Variants in NRXN3 observed in about 807,000 individuals in gnomAD.
The protein encoded by NRXN3 is neurexin III.
In NRXN3, 32 loss-of-function variants were observed where a neutral mutation model predicts 137.6. The observed-to-expected ratio is 0.23, with a 90% CI of 0.18 to 0.31. NRXN3 has a LOEUF of 0.31. Among genes scored for constraint, NRXN3 ranks in the 10% least tolerant of loss-of-function variants. The pLI is 1.00. For synonymous variants in NRXN3, 798 were observed against 784.5 expected, an observed-to-expected ratio of 1.02 and a Z score of -0.29; for missense variants, 1,574 against 2,062.5, an observed-to-expected ratio of 0.76 and a Z score of 4.59.
chr14:79,458,098 C>CA (rs2096280370), intron 15 of NRXN3, among the ~76,000 whole-genome samples: 1 of 152,074 alleles, frequency 6.6e-6, no homozygotes, highest in South Asian at 2.1e-4. Flanking sequence ...TTAAAGATGT[C>CA]ACGTTGCTTT....
chr14:79,235,953 A>G (rs1298042749), intron 15 of NRXN3, among the ~76,000 whole-genome samples: 1 of 152,154 alleles, frequency 6.6e-6, no homozygotes, highest in African/African-American at 2.4e-5. Flanking sequence ...GAGAATTAAC[A>G]TATCTAATTA....
intron 6 of NRXN3, among the ~76,000 whole-genome samples, chr14:78,680,893 C>T (rs543530147): frequency 3.9e-5 from 6 of 152,260 alleles, no homozygotes; most frequent in Non-Finnish European, 8.8e-5. Context: ...TTTCAGTGGG[C>T]TATGGATTGG....
intron 15 of NRXN3, among the ~76,000 whole-genome samples, chr14:79,433,585 G>A (rs77473492): frequency 1.3e-5 from 2 of 149,414 alleles, no homozygotes; most frequent in South Asian, 4.6e-4. Context: ...AGATGAAAAA[G>A]AAAAAAACTC....
chr14:78,896,626 A>T (rs752859445), intron 10 of NRXN3, among the ~76,000 whole-genome samples: 19 of 151,924 alleles, frequency 1.3e-4, no homozygotes, highest in Non-Finnish European at 2.1e-4. Context: ...GGCAGAGGGT[A>T]ATAGGAGCTT....
chr14:79,447,167 A>G (rs1244373987), intron 15 of NRXN3, among the ~76,000 whole-genome samples: 1 of 152,202 alleles, frequency 6.6e-6, no homozygotes, highest in African/African-American at 2.4e-5. Flanking sequence ...TGAGGGACCA[A>G]TTTTAACCTC....
chr14:79,125,840 C>T (rs761774105), intron 15 of NRXN3, among the ~76,000 whole-genome samples: 5 of 152,064 alleles, frequency 3.3e-5, no homozygotes, highest in Admixed American at 6.6e-5. Flanking sequence ...GCAATGACAC[C>T]GTACTTTTAT....
intron 19 of NRXN3, among the ~76,000 whole-genome samples, chr14:79,707,162 A>G (rs552688066): frequency 2.9e-4 from 44 of 152,310 alleles, no homozygotes; most frequent in African/African-American, 1.0e-3. Context: ...AACAATAGCT[A>G]TGTTGCTCAT....
At chr14:79,262,505 A>G (rs1165961253) in intron 15 of NRXN3, among the ~76,000 whole-genome samples, 1 of 150,380 alleles carries the variant, frequency 6.6e-6, no homozygotes, top group African/African-American at 2.5e-5. Flanking sequence ...GAGGAAGGAG[A>G]AAGGAGGAGG....
chr14:78,436,724 CAGTT>C (rs1567585573), intron 4 of NRXN3, among the ~76,000 whole-genome samples: 1 of 152,210 alleles, frequency 6.6e-6, no homozygotes, highest in Non-Finnish European at 1.5e-5. Context: ...TTGGACAACA[CAGTT>C]AGTTAGAGTC....
intron 4 of NRXN3, among the ~76,000 whole-genome samples, chr14:78,455,295 A>T (rs1210478145): frequency 1.3e-5 from 2 of 152,110 alleles, no homozygotes; most frequent in Admixed American, 1.3e-4. Context: ...CATCCTTCCC[A>T]TTCCTTTCAG....
chr14:78,605,937 G>A (rs950221512), intron 4 of NRXN3, among the ~76,000 whole-genome samples: 7 of 152,216 alleles, frequency 4.6e-5, no homozygotes, highest in Admixed American at 3.9e-4. Flanking sequence ...ATAAGTGTGC[G>A]AGTGTGTATA....
intron 1 of NRXN3, among the ~76,000 whole-genome samples, chr14:78,238,350 G>A (rs2066618774): frequency 6.6e-6 from 1 of 152,208 alleles, no homozygotes; most frequent in African/African-American, 2.4e-5. Flanking sequence ...CCTGCATGCA[G>A]GCTCTGGGGC....
chr14:78,539,832 A>G (rs1037435994), intron 4 of NRXN3, among the ~76,000 whole-genome samples: 2 of 152,192 alleles, frequency 1.3e-5, no homozygotes, highest in Non-Finnish European at 2.9e-5. Context: ...GTTTCAAAGA[A>G]CATCTTTATT....
In NRXN3 at chr14:79,672,819, A is replaced by T. The variant is rs114851457; in HGVS notation, c.3616+8870A>T. On this transcript the variant is annotated intron_variant, in intron 17 of 20. Transcript: ENST00000335750. ...ACCACCCATACAAGAGCATAGTTTT[A>T]TTTATGGGAAAAGTTTCCAAGTTCC... Among the ~76,000 whole-genome samples the T allele has an allele frequency of 6.7e-3, 1,026 of 152,152 alleles. 11 individuals carry two copies. The highest frequency in any genetic ancestry group is 0.024 in the African/African-American group (991 of 41,532).
At chr14:79,003,317 C>A (rs1488497140) in intron 15 of NRXN3, among the ~76,000 whole-genome samples, 3 of 152,064 alleles carry the variant, frequency 2.0e-5, no homozygotes, top group Admixed American at 2.0e-4. Context: ...TTTTTGCAGC[C>A]TCTGTAATGA....
At chr14:79,156,065 C>G (rs554607298) in intron 15 of NRXN3, among the ~76,000 whole-genome samples, 1 of 151,836 alleles carries the variant, frequency 6.6e-6, no homozygotes, top group Admixed American at 6.6e-5. Context: ...TTCTTTAAAC[C>G]AAAGTTTCCA....
At chr14:78,950,309 C>T (rs752889362) in intron 10 of NRXN3, among the ~76,000 whole-genome samples, 2 of 152,050 alleles carry the variant, frequency 1.3e-5, no homozygotes, top group Non-Finnish European at 2.9e-5. Context: ...AAATTTATGG[C>T]TTGAGGTAGA....
chr14:78,870,147 G>T (rs564661717), intron 10 of NRXN3, among the ~76,000 whole-genome samples: 1 of 152,280 alleles, frequency 6.6e-6, no homozygotes, highest in African/African-American at 2.4e-5. Context: ...AACTGACTTA[G>T]CACACTTCTT....
chr14:78,674,093 A>T (rs1233407059), intron 6 of NRXN3, among the ~76,000 whole-genome samples: 1 of 152,146 alleles, frequency 6.6e-6, no homozygotes, highest in Non-Finnish European at 1.5e-5. Flanking sequence ...CGAACTGCCT[A>T]TCAGAAACTG....
Sources: gnomAD v4.1 joint callset for allele counts (sites outside exome capture counted in the v4.1 genomes callset) on GRCh38, gnomAD v4.1.1 for gene constraint, MANE v1.5 for transcripts, NCBI Gene and HGNC (gene_info 2026-07-23, HGNC 2026-07-21) for gene names.